Variants in ADGRV1 observed in about 807,000 individuals in gnomAD.
ADGRV1 encodes G-protein coupled receptor 98.
Under a neutral mutation model 596.2 loss-of-function variants are expected in ADGRV1, and 359 were observed. The ratio of observed to expected loss-of-function variants is 0.60; its 90% CI spans 0.55 to 0.66. The LOEUF (loss-of-function observed/expected upper bound fraction) is 0.66. Among genes scored for constraint, ADGRV1 ranks in the 30% least tolerant of loss-of-function variants. The pLI is 0.00. For missense variants in ADGRV1, 7,274 were observed against 7,575.6 expected (o/e 0.96, Z 1.48); for synonymous variants, 2,681 against 2,679.2 (o/e 1.00, Z -0.02).
chr5:91,151,612 T>G (rs1796065972), intron 88 of ADGRV1, among the ~76,000 whole-genome samples: 1 of 152,230 alleles, frequency 6.6e-6, no homozygotes, highest in South Asian at 2.1e-4. Context: ...TCTTAAAATT[T>G]TTTTTGAATG....
intron 84 of ADGRV1, among the ~76,000 whole-genome samples, chr5:90,972,202 C>G (rs1779102716): frequency 6.6e-6 from 1 of 152,176 alleles, no homozygotes; most frequent in South Asian, 2.1e-4. Flanking sequence ...ATTCATAAAG[C>G]AAGTCCTTAG....
intron 1 of ADGRV1, among the ~76,000 whole-genome samples, chr5:90,585,513 C>T (rs551349184): frequency 6.6e-6 from 1 of 152,310 alleles, no homozygotes; most frequent in African/African-American, 2.4e-5. Context: ...TATCACCTCC[C>T]ACAGCAGGGC....
intron 85 of ADGRV1, among the ~76,000 whole-genome samples, chr5:91,054,366 TAA>T (rs1283449699): frequency 6.6e-6 from 1 of 152,066 alleles, no homozygotes; most frequent in Non-Finnish European, 1.5e-5. Context: ...TAAAGAAGCA[TAA>T]AAAAGATCTA....
At chr5:91,064,224 T>G (rs576265834) in intron 85 of ADGRV1, among the ~76,000 whole-genome samples, 1 of 152,214 alleles carries the variant, frequency 6.6e-6, no homozygotes, top group Non-Finnish European at 1.5e-5. Flanking sequence ...ACAGTCCCTG[T>G]CCTCAAAAGA....
chr5:90,591,210 G>A (rs1454236643), intron 1 of ADGRV1, among the ~76,000 whole-genome samples: 1 of 152,076 alleles, frequency 6.6e-6, no homozygotes, highest in Non-Finnish European at 1.5e-5. Flanking sequence ...TGAGCAACGT[G>A]GTGAAATCCC....
At chr5:90,752,912 A>G (rs1385137407) in intron 53 of ADGRV1, among the ~76,000 whole-genome samples, 1 of 152,188 alleles carries the variant, frequency 6.6e-6, no homozygotes, top group East Asian at 1.9e-4. Flanking sequence ...CTATAATGCT[A>G]GTTTGAGTAA....
chr5:91,073,935 C>T (rs1788615003), intron 86 of ADGRV1, among the ~76,000 whole-genome samples: 1 of 151,988 alleles, frequency 6.6e-6, no homozygotes, highest in African/African-American at 2.4e-5. Flanking sequence ...TGAGCTCAGG[C>T]GATCCACCTG....
intron 77 of ADGRV1, 46 bp from the exon 78 acceptor site, chr5:90,840,532 T>A (rs1227368065): frequency 1.4e-6 from 2 of 1,478,454 alleles, no homozygotes; most frequent in Admixed American, 4.3e-5. Context: ...TAGGACAAGA[T>A]CAGAGGTGTC....
chr5:91,083,736 C>T (rs1164757706), intron 86 of ADGRV1, among the ~76,000 whole-genome samples: 2 of 152,118 alleles, frequency 1.3e-5, no homozygotes, highest in East Asian at 3.9e-4. Context: ...TTTTGTTCTT[C>T]ACATATTTTG....
intron 1 of ADGRV1, among the ~76,000 whole-genome samples, chr5:90,593,500 A>G (rs113513216): frequency 0.022 from 3,390 of 151,588 alleles, 97 homozygotes; most frequent in African/African-American, 0.067. Context: ...ACCTAATATA[A>G]ACGACGAGTT....
At chr5:90,990,340 A>T (rs1207743616) in intron 85 of ADGRV1, among the ~76,000 whole-genome samples, 1 of 152,192 alleles carries the variant, frequency 6.6e-6, no homozygotes, top group African/African-American at 2.4e-5. Flanking sequence ...ACTATATTGA[A>T]AATATTTGTT....
intron 86 of ADGRV1, among the ~76,000 whole-genome samples, chr5:91,080,238 T>C (rs1364351738): frequency 2.0e-5 from 3 of 152,238 alleles, no homozygotes; most frequent in African/African-American, 7.2e-5. Flanking sequence ...ACAATACATG[T>C]TGTTAACTAT....
In ADGRV1 at chr5:90,725,413, CACTT is replaced by C. The variant is rs200389509; in HGVS notation, c.10054-134_10054-131del. On this transcript the variant is annotated intron_variant, in intron 47 of 89. Transcript: ENST00000405460. ...GGATATTTTTGTCTTTTTAAAATGACACTTAGTTATGTGTAGCTTGGTATTAAAA... is the reference window on the plus strand; with the variant it reads ...GGATATTTTTGTCTTTTTAAAATGACAGTTATGTGTAGCTTGGTATTAAAA... 6.1e-5 allele frequency: 42 copies of C among 688,892 alleles called. No individual in the cohort carries two copies. In the East Asian group the frequency reaches 7.3e-4, roughly 12 times the overall value. The allele number at this position is 688,892 out of a possible 1,614,324, so 42.7% of individuals were successfully genotyped here. A position where few individuals can be genotyped will look rare whatever the true frequency, so the allele number is the denominator to read the frequency against.
rs146184486 is a variant in ADGRV1, at chr5:90,903,131, G to A, written c.17856+39274G>A. Among the ~76,000 whole-genome samples, 1,149 of 152,114 alleles carry A rather than the reference G, an allele frequency of 7.6e-3. 17 individuals are homozygous for A. The highest frequency in any genetic ancestry group is 0.027 in the African/African-American group (1,109 of 41,532). ...ACCAAGAATGATTTATTTACTTAGT[G>A]TCTAAGATTTACCAACTTAAGAATG... On this transcript the variant is annotated intron_variant, in intron 83 of 89. Transcript: ENST00000405460.
intron 85 of ADGRV1, among the ~76,000 whole-genome samples, chr5:91,057,345 A>C (rs1429183705): frequency 6.6e-6 from 1 of 152,250 alleles, no homozygotes; most frequent in Non-Finnish European, 1.5e-5. Context: ...GTTTGAAGAT[A>C]TTAGCTGGCC....
intron 87 of ADGRV1, among the ~76,000 whole-genome samples, chr5:91,124,103 C>T (rs1044815887): frequency 1.3e-5 from 2 of 152,136 alleles, no homozygotes; most frequent in Non-Finnish European, 2.9e-5. Flanking sequence ...TGTCCGTCTT[C>T]AGTTGCTTTT....
At position 90,791,190 on chromosome 5, in the gene ADGRV1, A is replaced by G. The variant is rs1192691701; in HGVS notation, c.14361A>G (p.Ile4787Met). ...TTATTAGATCCATCCAAATTAACATAACCCGGCTTGCTGGAACATTTGGAG... is the reference window on the plus strand; with the variant it reads ...TTATTAGATCCATCCAAATTAACATGACCCGGCTTGCTGGAACATTTGGAG... The part of the protein sequence containing the change: ...QNLIRSIQIN[I>M]TRLAGTFGDV... The change falls in exon 70 of 90, where the codon ATA (isoleucine) becomes ATG (methionine). Residue 4787 changes from isoleucine (I) to methionine (M), a missense_variant. Ile to Met is a conservative substitution (Grantham distance 10, BLOSUM62 1). Around this residue, in one of 5 missense-constraint regions of ADGRV1, gnomAD observed 1,874 missense variants for 1,970.2 expected, o/e 0.95. Transcript: ENST00000405460. The G allele has an allele frequency of 2.5e-6, 4 of 1,613,858 alleles. No individual in the cohort carries two copies. In the African/African-American group the frequency reaches 5.3e-5, roughly 22 times the overall value.
chr5:90,724,517 C>A (rs1343569871), intron 45 of ADGRV1, among the ~76,000 whole-genome samples: 1 of 152,178 alleles, frequency 6.6e-6, no homozygotes, highest in Non-Finnish European at 1.5e-5. Context: ...GCGTGAGCCA[C>A]CATGCCCAGC....
intron 78 of ADGRV1, among the ~76,000 whole-genome samples, chr5:90,843,279 G>A (rs1765590247): frequency 1.3e-5 from 2 of 152,242 alleles, no homozygotes; most frequent in South Asian, 4.2e-4. Context: ...TTGAAATATG[G>A]TGTTACTGTG....
Sources: gnomAD v4.1 joint callset for allele counts (sites outside exome capture counted in the v4.1 genomes callset) on GRCh38, gnomAD v4.1.1 for gene constraint, gnomAD v4.1.1 regional missense constraint, MANE v1.5 for transcripts, NCBI Gene and HGNC (gene_info 2026-07-23, HGNC 2026-07-21) for gene names.